The following SMTN variants were observed in gnomAD, a reference collection of about 807,000 sequenced individuals.
The protein encoded by SMTN is smoothelin.
SMTN carries 58 observed loss-of-function variants against 102.0 expected under a neutral mutation model. That is an observed-to-expected ratio of 0.57 (90% confidence interval 0.46 to 0.71). The LOEUF (loss-of-function observed/expected upper bound fraction) is 0.71. SMTN is among the 30% of genes least tolerant of loss of function. SMTN has a pLI of 0.00. For synonymous variants in SMTN, 478 were observed against 497.9 expected (o/e 0.96, Z 0.53); for missense variants, 1,185 against 1,241.7 (o/e 0.95, Z 0.69).
At chr22:31,089,131 C>T (rs1029165478) in intron 6 of SMTN, among the ~76,000 whole-genome samples, 162 bp downstream of exon 6, 11 of 152,188 alleles carry the variant, frequency 7.2e-5, no homozygotes, top group Admixed American at 2.0e-4. Flanking sequence ...AATGCAAATC[C>T]GGCCCTGGCA....
intron 11 of SMTN, chr22:31,092,319 C>A (rs995928883): frequency 4.9e-6 from 2 of 411,562 alleles, no homozygotes; most frequent in Admixed American, 5.3e-5. Context: ...TAGTGATTAG[C>A]ATCTGCGTCA....
intron 11 of SMTN, chr22:31,093,373 C>T (rs1036087593): frequency 2.6e-6 from 1 of 378,526 alleles, no homozygotes; most frequent in South Asian, 2.3e-5. Flanking sequence ...GCTGCAAAGA[C>T]TCAGACACTC....
At chr22:31,098,016 T>A (rs565366120) in intron 16 of SMTN, among the ~76,000 whole-genome samples, 1 of 152,250 alleles carries the variant, frequency 6.6e-6, no homozygotes, top group Non-Finnish European at 1.5e-5. Context: ...GCAAACCATG[T>A]CCCAGGTCAC....
At chr22:31,102,405 G>A (rs1413248477) in intron 20 of SMTN, 1 of 152,320 alleles carries the variant, frequency 6.6e-6, no homozygotes, top group Non-Finnish European at 1.5e-5. Flanking sequence ...GAAGGAGCAA[G>A]GGGATTGGCT....
intron 1 of SMTN, among the ~76,000 whole-genome samples, chr22:31,073,771 A>G (rs1175558576): frequency 6.6e-6 from 1 of 152,262 alleles, no homozygotes; most frequent in Non-Finnish European, 1.5e-5. Context: ...TAGTGCCTTA[A>G]AACAGCAACC....
chr22:31,095,590 G>A lies in SMTN; in HGVS notation c.1842G>A (p.Glu614=), dbSNP rs1170990390. 8.1e-6 allele frequency: 13 copies of A among 1,613,540 alleles called. No homozygotes were observed. Among genetic ancestry groups the A allele is most frequent in the East Asian group, 2.2e-5 (1 of 44,878 alleles). ...ERKLIRAALR[E]LRQRKRDQRD... is the part of the protein sequence containing the mutation. ...AGCTCATCCGGGCTGCACTTCGTGAGCTCCGACAAAGGAAGAGAGGTAGAG... is the reference window on the plus strand; with the variant it reads ...AGCTCATCCGGGCTGCACTTCGTGAACTCCGACAAAGGAAGAGAGGTAGAG... Residue 614 remains glutamate, a synonymous_variant, in exon 13 of 21, where the codon GAG becomes GAA. Transcript: ENST00000333137. The surrounding 1 kb of genome is among the most constrained non-coding windows in gnomAD (Gnocchi z 4.1).
upstream of SMTN, chr22:31,080,835 G>C (rs1417432766): frequency 6.6e-6 from 1 of 152,430 alleles, no homozygotes; most frequent in Non-Finnish European, 1.5e-5. Context: ...ACAGGGTCAA[G>C]GTGCTGCCAG....
chr22:31,071,526 A>G (rs1292007750), intron 1 of SMTN, among the ~76,000 whole-genome samples: 2 of 151,692 alleles, frequency 1.3e-5, no homozygotes, highest in Admixed American at 6.6e-5. Flanking sequence ...CTGAGGTGGG[A>G]GGATCGCTTG....
intron 1 of SMTN, among the ~76,000 whole-genome samples, chr22:31,070,312 C>T (rs559691895): frequency 2.0e-5 from 3 of 152,280 alleles, no homozygotes; most frequent in African/African-American, 7.2e-5. Context: ...TCATTTTGCA[C>T]CAGGCCCTGC....
In SMTN at chr22:31,099,873, C is replaced by T. The variant is rs2043932061; in HGVS notation, c.2580C>T (p.Phe860=). 6 of 1,614,048 alleles carry T rather than the reference C, an allele frequency of 3.7e-6. No individual in the cohort carries two copies. Among genetic ancestry groups the T allele is most frequent in the South Asian group, 1.1e-5 (1 of 91,088 alleles). The change falls in exon 19 of 21, where the codon TTC becomes TTT. Residue 860 remains phenylalanine (F), a synonymous_variant. Transcript: ENST00000333137. Reference sequence around the variant, plus strand: ...GCCCTCAGAACCGACGCCAGAACTTCGAGGTGGCCTTCTCATCTGCGGAGT... The same window carrying T: ...GCCCTCAGAACCGACGCCAGAACTTTGAGGTGGCCTTCTCATCTGCGGAGT... ...QLSPQNRRQN[F]EVAFSSAETH...
chr22:31,103,919 A>G, intron 20 of SMTN: 1 of 210,282 alleles, frequency 4.8e-6, no homozygotes. Context: ...GATGAAGCCC[A>G]TCTGGGTGCA....
upstream of SMTN, among the ~76,000 whole-genome samples, chr22:31,077,685 C>A (rs1004620401): frequency 2.6e-5 from 4 of 152,174 alleles, no homozygotes; most frequent in Non-Finnish European, 5.9e-5. Context: ...TGTTCCAGCC[C>A]CTTGCCTCTC....
chr22:31,091,105 C>T lies in SMTN; in HGVS notation c.1082C>T (p.Pro361Leu), dbSNP rs950749224. Reference sequence around the variant, plus strand: ...CAGGCTGCCCTAAGTCCCCTGACCCCCGCAAGGCTCCTGGGCCCCTCCCTC... The same window carrying T: ...CAGGCTGCCCTAAGTCCCCTGACCCTCGCAAGGCTCCTGGGCCCCTCCCTC... ...TPQAALSPLT[P>L]ARLLGPSLTS... Residue 361 changes from proline to leucine, a missense_variant, in exon 10 of 21, where the codon CCC becomes CTC. Physicochemically the swap from Pro to Leu is moderately conservative, Grantham distance 98. Transcript: ENST00000333137. 11 of 1,614,026 alleles carry T rather than the reference C, an allele frequency of 6.8e-6. No homozygotes were observed. The African/African-American group carries it at 1.3e-4, about 20-fold the overall frequency.
intron 1 of SMTN, among the ~76,000 whole-genome samples, chr22:31,076,156 G>A (rs934418191): frequency 1.5e-4 from 23 of 152,290 alleles, no homozygotes; most frequent in South Asian, 4.1e-4. Context: ...TGGTCCAGCC[G>A]CCACGTCTAC....
At chr22:31,083,572 GC>G (rs2147567095) in intron 2 of SMTN, 2 of 369,358 alleles carry the variant, frequency 5.4e-6, no homozygotes, top group Non-Finnish European at 5.0e-6. Flanking sequence ...CTGTAGACTC[GC>G]CCGTATGCAG....
chr22:31,100,512 A>C (rs1265023349), intron 19 of SMTN, among the ~76,000 whole-genome samples: 68 of 100,992 alleles, frequency 6.7e-4, no homozygotes, highest in Admixed American at 7.9e-4. Flanking sequence ...CGCCTCCCTC[A>C]CCCCCTCTCC....
chr22:31,096,637 C>T lies in SMTN; in HGVS notation c.1862-96C>T, dbSNP rs1007521265. Reference sequence around the variant, plus strand: ...GTCATTCATGTTTCTAACAAGCCACCCTCCACCCCGTCTTGTGTGCCCCAT... The same window carrying T: ...GTCATTCATGTTTCTAACAAGCCACTCTCCACCCCGTCTTGTGTGCCCCAT... On this transcript the variant is annotated intron_variant, in intron 13 of 20. Coordinates refer to ENST00000333137, the MANE Select transcript of SMTN (RefSeq NM_134269.3). 4 of 1,347,534 alleles carry T rather than the reference C, an allele frequency of 3.0e-6. No individual in the cohort carries two copies. The African/African-American group carries it at 5.9e-5, about 20-fold the overall frequency. 83.5% of individuals were successfully genotyped at this position (1,347,534 alleles called of 1,614,324 possible).
At chr22:31,068,033 A>G (rs2041901491) in intron 1 of SMTN, 1 of 152,202 alleles carries the variant, frequency 6.6e-6, no homozygotes, top group Non-Finnish European at 1.5e-5. Flanking sequence ...GGCTGGGCAC[A>G]GTGGCTCACA....
chr22:31,071,677 TCTTTCTC>T (rs1569231788), intron 1 of SMTN, among the ~76,000 whole-genome samples: 15 of 146,992 alleles, frequency 1.0e-4, no homozygotes, highest in African/African-American at 3.6e-4. Context: ...TCTAGCTCTC[TCTTTCTC>T]TCTCTCTCTC....
Sources: allele counts gnomAD v4.1 joint callset (sites outside exome capture counted in the v4.1 genomes callset), GRCh38; gene constraint gnomAD v4.1.1; non-coding constraint Gnocchi (gnomAD v3.1); transcripts MANE v1.5; gene names NCBI Gene and HGNC (gene_info 2026-07-23, HGNC 2026-07-21).